The following PDE7B variants were observed in gnomAD, a reference collection of about 807,000 sequenced individuals.
The protein encoded by PDE7B is 3',5'-cyclic-AMP phosphodiesterase 7B.
PDE7B carries 29 observed loss-of-function variants against 56.2 expected under a neutral mutation model. That is an observed-to-expected ratio of 0.52 (90% CI 0.38 to 0.70). PDE7B has a LOEUF of 0.70. Among genes scored for constraint, PDE7B ranks in the 30% least tolerant of loss-of-function variants. The probability of loss-of-function intolerance (pLI) is 0.00; values close to 1 mark genes in which losing one functional copy is unlikely to be tolerated. For synonymous variants in PDE7B, 197 were observed against 196.9 expected, an observed-to-expected ratio of 1.00 and a Z score of 0.00; for missense variants, 490 against 565.0, an observed-to-expected ratio of 0.87 and a Z score of 1.35.
At chr6:136,179,664 G>T (rs1438214043) in intron 10 of PDE7B, among the ~76,000 whole-genome samples, 1 of 152,140 alleles carries the variant, frequency 6.6e-6, no homozygotes, top group Admixed American at 6.5e-5. Context: ...TTAAAAGACT[G>T]TTTCTGAAAC....
chr6:136,100,329 T>C (rs1777540093), intron 2 of PDE7B, among the ~76,000 whole-genome samples: 1 of 152,204 alleles, frequency 6.6e-6, no homozygotes, highest in Admixed American at 6.5e-5. Flanking sequence ...GGTAGCTTGA[T>C]GGGGATAGCA....
At chr6:136,034,682 C>T (rs59578656) in intron 2 of PDE7B, 2,268 of 153,494 alleles carry the variant, frequency 0.015, 49 homozygotes, top group African/African-American at 0.051. Flanking sequence ...CCTGAAGCTG[C>T]CTTTGGGGGT....
At chr6:136,126,389 T>C (rs1385199557) in intron 3 of PDE7B, among the ~76,000 whole-genome samples, 2 of 152,226 alleles carry the variant, frequency 1.3e-5, no homozygotes, top group East Asian at 1.9e-4. Flanking sequence ...TGGAAAACAG[T>C]GTGGAGATTC....
intron 2 of PDE7B, among the ~76,000 whole-genome samples, chr6:135,958,308 A>G (rs1342853347): frequency 6.6e-6 from 1 of 152,170 alleles, no homozygotes; most frequent in Non-Finnish European, 1.5e-5. Flanking sequence ...AATTGGATTC[A>G]AAACTTCTTG....
chr6:135,916,774 A>T (rs1773957777), intron 1 of PDE7B, among the ~76,000 whole-genome samples: 1 of 151,902 alleles, frequency 6.6e-6, no homozygotes, highest in African/African-American at 2.4e-5. Flanking sequence ...AATATATTCT[A>T]CATACAATTT....
rs12175118 is a variant in PDE7B at position 135,988,024 on chromosome 6, A to T, written c.82+40500A>T. Among the ~76,000 whole-genome samples the T allele has an allele frequency of 7.8e-3, 1,193 of 152,338 alleles. 55 individuals are homozygous for T. The East Asian group carries it at 0.14, about 18-fold the overall frequency. ...AGCCCCAAGGGAGACTATGCCCTGT[A>T]ATTTTGTGTCCAGTCTGAGCTCTGT... On this transcript the variant is annotated intron_variant, in intron 2 of 12. Coordinates refer to ENST00000308191, the MANE Select transcript of PDE7B (RefSeq NM_018945.4).
intron 2 of PDE7B, among the ~76,000 whole-genome samples, chr6:135,974,715 T>C (rs867710880): frequency 8.5e-5 from 13 of 152,210 alleles, no homozygotes; most frequent in Non-Finnish European, 1.6e-4. Flanking sequence ...CAGACACCTC[T>C]CGTACTTTAA....
chr6:136,179,313 C>T (rs1445578216), intron 10 of PDE7B, among the ~76,000 whole-genome samples, 172 bp downstream of exon 10: 1 of 152,020 alleles, frequency 6.6e-6, no homozygotes, highest in East Asian at 1.9e-4. Flanking sequence ...TGCACTCCAG[C>T]CTGGGTGACA....
chr6:136,172,856 A>G (rs988053352), intron 8 of PDE7B, among the ~76,000 whole-genome samples: 4 of 152,190 alleles, frequency 2.6e-5, no homozygotes, highest in South Asian at 2.1e-4. Context: ...TTATACACCA[A>G]TAACAGACAA....
chr6:135,971,828 T>G (rs1457652097), intron 2 of PDE7B, among the ~76,000 whole-genome samples: 1 of 152,190 alleles, frequency 6.6e-6, no homozygotes, highest in Non-Finnish European at 1.5e-5. Flanking sequence ...GAAAGTACCT[T>G]ACAAAGTATG....
chr6:136,127,284 G>A (rs981420106), intron 3 of PDE7B, among the ~76,000 whole-genome samples: 2 of 151,890 alleles, frequency 1.3e-5, no homozygotes, highest in Non-Finnish European at 2.9e-5. Flanking sequence ...AGCCAAGAAT[G>A]CCCCCCCAAC....
chr6:136,053,032 A>T (rs944419172), intron 2 of PDE7B, among the ~76,000 whole-genome samples: 1 of 152,172 alleles, frequency 6.6e-6, no homozygotes, highest in African/African-American at 2.4e-5. Context: ...GGTAATTTAT[A>T]AAGGAAAGAG....
At chr6:136,048,700 A>G (rs1199426479) in intron 2 of PDE7B, among the ~76,000 whole-genome samples, 1 of 152,198 alleles carries the variant, frequency 6.6e-6, no homozygotes, top group Admixed American at 6.5e-5. Context: ...CATTTTAGAA[A>G]GATCATTCTA....
chr6:136,078,704 C>G (rs983975301), intron 2 of PDE7B, among the ~76,000 whole-genome samples: 4 of 151,946 alleles, frequency 2.6e-5, no homozygotes, highest in Non-Finnish European at 4.4e-5. Flanking sequence ...CCTAAATATC[C>G]TTATTTGGGG....
At chr6:135,928,439 A>ATTTATTTATTTATT (rs1774227748) in intron 1 of PDE7B, among the ~76,000 whole-genome samples, 3 of 109,410 alleles carry the variant, frequency 2.7e-5, no homozygotes, top group Non-Finnish European at 3.8e-5. Context: ...TTATATATAT[A>ATTTATTTATTTATT]TATATATATT....
At chr6:136,059,695 C>T (rs1400338324) in intron 2 of PDE7B, among the ~76,000 whole-genome samples, 1 of 152,158 alleles carries the variant, frequency 6.6e-6, no homozygotes, top group Non-Finnish European at 1.5e-5. Context: ...AAAGTCTACT[C>T]GATTAATCTC....
chr6:136,176,701 C>G, intron 9 of PDE7B, among the ~76,000 whole-genome samples: 1 of 152,076 alleles, frequency 6.6e-6, no homozygotes, highest in Non-Finnish European at 1.5e-5. Flanking sequence ...GCTTTTTCCA[C>G]TAATTCCTAA....
At chr6:136,045,714 A>G (rs530429764) in intron 2 of PDE7B, among the ~76,000 whole-genome samples, 5 of 152,212 alleles carry the variant, frequency 3.3e-5, no homozygotes, top group African/African-American at 1.2e-4. Flanking sequence ...AGAAGGACAA[A>G]TTTCAAGAGA....
In PDE7B at chr6:136,108,010, C is replaced by T. The variant is rs182976185; in HGVS notation, c.83-721C>T. On this transcript the variant is annotated intron_variant, in intron 2 of 12. Coordinates refer to ENST00000308191, the MANE Select transcript of PDE7B (RefSeq NM_018945.4). ...GGCATAGTGGCGTGTGCCTGTAGTCCCAGCTACTCGGGAGGCTAAGGCAGG... is the reference window on the plus strand; with the variant it reads ...GGCATAGTGGCGTGTGCCTGTAGTCTCAGCTACTCGGGAGGCTAAGGCAGG... Among the ~76,000 whole-genome samples the T allele has an allele frequency of 3.5e-3, 525 of 151,604 alleles. 1 individual carries two copies. Among genetic ancestry groups the T allele is most frequent in the Non-Finnish European group, 5.9e-3 (402 of 67,914 alleles).
Sources: allele counts gnomAD v4.1 joint callset (sites outside exome capture counted in the v4.1 genomes callset), GRCh38; gene constraint gnomAD v4.1.1; transcripts MANE v1.5; gene names NCBI Gene and HGNC (gene_info 2026-07-23, HGNC 2026-07-21).